SLC8A1: variants seen among roughly 807,000 people sequenced by gnomAD.
SLC8A1 encodes sodium/calcium exchanger 1.
SLC8A1 carries 18 observed loss-of-function variants against 68.3 expected under a neutral mutation model. The observed-to-expected ratio is 0.26, with a 90% CI of 0.18 to 0.39. The LOEUF is 0.39. SLC8A1 is among the 10% of genes least tolerant of loss of function. The pLI, the probability that SLC8A1 is intolerant of heterozygous loss-of-function variation, is 1.00. For missense variants in SLC8A1, 985 were observed against 1,156.7 expected (o/e 0.85, Z 2.15); for synonymous variants, 475 against 415.5 (o/e 1.14, Z -1.74).
chr2:40,466,966 G>C (rs962716936), intron 1 of SLC8A1, among the ~76,000 whole-genome samples: 5 of 56,458 alleles, frequency 8.9e-5, no homozygotes, highest in African/African-American at 3.0e-4. Context: ...ACAGGAATGA[G>C]TTATCTAAAA....
intron 2 of SLC8A1, among the ~76,000 whole-genome samples, chr2:40,427,256 A>G (rs768914276): frequency 2.6e-5 from 4 of 151,974 alleles, no homozygotes; most frequent in Non-Finnish European, 4.4e-5. Context: ...CTCTCTGCCC[A>G]TCCCCTCCCC....
intron 2 of SLC8A1, chr2:40,220,154 T>G (rs935513146): frequency 4.6e-5 from 7 of 151,908 alleles, no homozygotes; most frequent in South Asian, 2.1e-4. Flanking sequence ...TAGGCTTTTT[T>G]TTTTTTTTGA....
chr2:40,367,230 C>G (rs1431071784), intron 2 of SLC8A1, among the ~76,000 whole-genome samples: 2 of 152,006 alleles, frequency 1.3e-5, no homozygotes, highest in Non-Finnish European at 1.5e-5. Flanking sequence ...GTTCTGCCTC[C>G]TAGTCTCTGC....
chr2:40,434,042 A>T (rs933377669), intron 1 of SLC8A1, among the ~76,000 whole-genome samples: 1 of 152,174 alleles, frequency 6.6e-6, no homozygotes, highest in Non-Finnish European at 1.5e-5. Context: ...CTCTTCCTGC[A>T]TGCACTGTCA....
chr2:40,329,060 TCACACACACA>T (rs70957170), intron 2 of SLC8A1, among the ~76,000 whole-genome samples: 6,491 of 141,206 alleles, frequency 0.046, 155 homozygotes, highest in Middle Eastern at 0.071. Flanking sequence ...CACTACAACC[TCACACACACA>T]CACACACACA....
intron 2 of SLC8A1, among the ~76,000 whole-genome samples, chr2:40,267,505 A>G (rs929336331): frequency 3.3e-5 from 5 of 152,188 alleles, no homozygotes; most frequent in African/African-American, 1.2e-4. Flanking sequence ...TACTCAACAG[A>G]GTATTTAATT....
intron 5 of SLC8A1, among the ~76,000 whole-genome samples, chr2:40,161,152 T>C (rs1352528599): frequency 1.3e-5 from 2 of 152,150 alleles, no homozygotes; most frequent in Non-Finnish European, 2.9e-5. Flanking sequence ...AGCCCATCCA[T>C]CCCCCTGAAT....
At chr2:40,286,518 C>T (rs2068340292) in intron 2 of SLC8A1, among the ~76,000 whole-genome samples, 1 of 152,136 alleles carries the variant, frequency 6.6e-6, no homozygotes, top group East Asian at 1.9e-4. Context: ...CGTGGATCAG[C>T]CTTTGATGGA....
At chr2:40,152,955 T>C (rs1016294875) in intron 6 of SLC8A1, among the ~76,000 whole-genome samples, 11 of 152,078 alleles carry the variant, frequency 7.2e-5, no homozygotes, top group Non-Finnish European at 1.6e-4. Flanking sequence ...GCCTGGGCAA[T>C]GGAGGAGACC....
At chr2:40,375,190 T>C (rs1375564774) in intron 2 of SLC8A1, among the ~76,000 whole-genome samples, 2 of 152,098 alleles carry the variant, frequency 1.3e-5, no homozygotes, top group African/African-American at 4.8e-5. Context: ...GAATGCTCAG[T>C]TAATTAACAA....
At position 40,109,465 on chromosome 2, in the gene SLC8A1, G is replaced by A. The variant is rs1414898478; in HGVS notation, c.*5788C>T. On this transcript the variant is annotated 3_prime_UTR_variant, in exon 8 of 8. Coordinates refer to ENST00000406785, the Ensembl canonical transcript of SLC8A1. ...TATAAAATAAACAACACTATTATAT[G>A]TGTAACTGTAGGTATGATCTGTCCC... The A allele has an allele frequency of 3.3e-5, 5 of 152,120 alleles. No individual in the cohort carries two copies. The East Asian group carries it at 9.6e-4, about 29-fold the overall frequency. 9.4% of individuals were successfully genotyped at this position (152,120 alleles called of 1,614,324 possible). A position where few individuals can be genotyped will look rare whatever the true frequency, so the allele number is the denominator to read the frequency against.
chr2:40,289,954 T>G (rs938716820), intron 2 of SLC8A1, among the ~76,000 whole-genome samples: 5 of 152,056 alleles, frequency 3.3e-5, no homozygotes, highest in Non-Finnish European at 7.4e-5. Flanking sequence ...AGGAAGTAGA[T>G]TAGAAGACAA....
chr2:40,239,987 A>T (rs1433576494), intron 2 of SLC8A1, among the ~76,000 whole-genome samples: 1 of 152,216 alleles, frequency 6.6e-6, no homozygotes, highest in South Asian at 2.1e-4. Context: ...AGTCATGTGA[A>T]TGAAATGTCC....
chr2:40,449,002 T>C (rs990850089), intron 1 of SLC8A1, among the ~76,000 whole-genome samples: 3 of 152,060 alleles, frequency 2.0e-5, no homozygotes, highest in Non-Finnish European at 2.9e-5. Context: ...GAGGCTGCAT[T>C]TCTTTTTCCA....
intron 2 of SLC8A1, chr2:40,213,453 C>T (rs548428241): frequency 3.3e-5 from 5 of 152,290 alleles, no homozygotes; most frequent in African/African-American, 1.2e-4. Context: ...GCAACTAAAT[C>T]TTGAGCTTAA....
At chr2:40,314,680 G>A (rs1316246642) in intron 2 of SLC8A1, among the ~76,000 whole-genome samples, 1 of 151,892 alleles carries the variant, frequency 6.6e-6, no homozygotes, top group Non-Finnish European at 1.5e-5. Flanking sequence ...ATTACTCTCA[G>A]GAATGTTTTT....
intron 2 of SLC8A1, among the ~76,000 whole-genome samples, chr2:40,207,248 T>G (rs1285520536): frequency 6.6e-6 from 1 of 152,048 alleles, no homozygotes; most frequent in Non-Finnish European, 1.5e-5. Context: ...TAGGGCCTTT[T>G]TTTCCAAGTG....
At chr2:40,462,907 T>A (rs1703428836) in intron 1 of SLC8A1, among the ~76,000 whole-genome samples, 1 of 152,186 alleles carries the variant, frequency 6.6e-6, no homozygotes, top group Non-Finnish European at 1.5e-5. Context: ...GCTAGCTGTG[T>A]TATGATAGAT....
chr2:40,164,960 A>G (rs775136039), exon 5 of SLC8A1: 8 of 1,613,924 alleles, frequency 5.0e-6, no homozygotes, highest in Non-Finnish European at 6.8e-6. Context: ...TTTGCTGGTC[A>G]GTGGCTGCTT....
Sources: allele counts gnomAD v4.1 joint callset (sites outside exome capture counted in the v4.1 genomes callset), GRCh38; gene constraint gnomAD v4.1.1; transcripts MANE v1.5; gene names NCBI Gene and HGNC (gene_info 2026-07-23, HGNC 2026-07-21).